Variants in DUSP8 observed in about 807,000 individuals in gnomAD.
DUSP8 encodes the protein dual specificity phosphatase 8.
DUSP8 carries 15 observed loss-of-function variants against 38.7 expected under a neutral mutation model. The ratio of observed to expected loss-of-function variants is 0.39; its 90% confidence interval spans 0.26 to 0.60. The LOEUF is 0.60. Among genes scored for constraint, DUSP8 ranks in the 20% least tolerant of loss-of-function variants. DUSP8 has a pLI of 0.56. For missense variants in DUSP8, 768 were observed against 915.0 expected (o/e 0.84, Z 2.07); for synonymous variants, 458 against 433.9 (o/e 1.06, Z -0.69).
rs1457285915 is a variant in DUSP8 at position 1,565,881 on chromosome 11, C to T, written c.-55G>A. On this transcript the variant is annotated 5_prime_UTR_variant, in exon 2 of 7. Coordinates refer to ENST00000397374, the MANE Select transcript of DUSP8 (RefSeq NM_004420.3). Reference sequence around the variant, plus strand: ...CCCCTGAAGTGAGGAGGGGCTGCTCCGACGGCCCAGGTGTGGCCTCGCGCT... The same window carrying T: ...CCCCTGAAGTGAGGAGGGGCTGCTCTGACGGCCCAGGTGTGGCCTCGCGCT... 26 of 1,486,066 alleles carry T rather than the reference C, an allele frequency of 1.7e-5. No homozygotes were observed. Among genetic ancestry groups the T allele is most frequent in the Middle Eastern group, 4.8e-4 (2 of 4,196 alleles). 92.1% of individuals were successfully genotyped at this position (1,486,066 alleles called of 1,614,324 possible). A position where few individuals can be genotyped will look rare whatever the true frequency, so the allele number is the denominator to read the frequency against.
At chr11:1,566,403 AG>A (rs1439163665) in intron 1 of DUSP8, among the ~76,000 whole-genome samples, 1 of 151,982 alleles carries the variant, frequency 6.6e-6, no homozygotes, top group African/African-American at 2.4e-5. Context: ...TCCCTAGCAC[AG>A]CCCCAGGGAG....
chr11:1,555,372 C>A lies in DUSP8; in HGVS notation c.*1146G>T. 1.0e-6 allele frequency: 1 copy of A among 987,544 alleles called. No individual in the cohort carries two copies. The highest frequency in any genetic ancestry group is 4.7e-5 in the South Asian group (1 of 21,366). The allele number at this position is 987,544 out of a possible 1,614,324, so 61.2% of individuals were successfully genotyped here. ...CCTAAGTGAAGCAGGCCTATCCCAG[C>A]AGCACAGGGGCTTGGCTGGCGCCTG... On this transcript the variant is annotated 3_prime_UTR_variant, in exon 7 of 7. Transcript: ENST00000397374.
Position 1,557,772 on chromosome 11 carries a change from G to A in DUSP8, c.821+22C>T. On this transcript the variant is annotated intron_variant, in intron 6 of 6. Transcript: ENST00000397374. The surrounding 1 kb of genome is among the most constrained non-coding windows in gnomAD (Gnocchi z 9.9). ...GGAAGCGACGCTGTGAGCCACAAGT[G>A]CGCGACTGGGGAAGGTGGTACCTGT... The A allele has an allele frequency of 1.2e-6, 2 of 1,612,136 alleles. No individual in the cohort carries two copies.
chr11:1,560,041 C>T lies in DUSP8; in HGVS notation c.371-986G>A, dbSNP rs572457508. Among the ~76,000 whole-genome samples the T allele has an allele frequency of 1.1e-4, 17 of 152,274 alleles. No individual in the cohort carries two copies. The East Asian group carries it at 3.3e-3, about 29-fold the overall frequency. ...GCCGTCCCTGACCTGGCTGGGGCGA[C>T]CACCGATGTGGACCAGAAACTGGGC... On this transcript the variant is annotated intron_variant, in intron 3 of 6. Coordinates refer to ENST00000397374, the MANE Select transcript of DUSP8 (RefSeq NM_004420.3).
intron 3 of DUSP8, among the ~76,000 whole-genome samples, chr11:1,561,641 T>C (rs1193145780): frequency 6.6e-6 from 1 of 152,234 alleles, no homozygotes; most frequent in Non-Finnish European, 1.5e-5. Flanking sequence ...CAGCCTGTCC[T>C]GCCACTGTTT....
chr11:1,564,014 G>A (rs1848763313), intron 2 of DUSP8, 25 bp from the exon 3 acceptor site: 2 of 1,430,624 alleles, frequency 1.4e-6, no homozygotes, highest in Middle Eastern at 1.8e-4. Flanking sequence ...GCAGAGATCA[G>A]CATGCCGCCT....
At position 1,556,773 on chromosome 11, in the gene DUSP8, G is replaced by A. The variant is rs1409840510; in HGVS notation, c.1623C>T (p.Pro541=). ...AQGAGGVLFA[P]FGRAGAPGPG... The stretch of plus-strand genomic sequence containing the variant: ...GTCCCGGGGCGCCCGCCCGGCCGAA[G>A]GGCGCAAACAGCACCCCGCCCGCCC... Residue 541 remains proline (P), a synonymous_variant, in exon 7 of 7, where the codon CCC becomes CCT. Coordinates refer to ENST00000397374, the MANE Select transcript of DUSP8 (RefSeq NM_004420.3). This position sits in a 1 kb window ranked among gnomAD's most constrained non-coding sequence, Gnocchi z 5.2. 3.4e-6 allele frequency: 4 copies of A among 1,191,800 alleles called. No individual in the cohort carries two copies. The highest frequency in any genetic ancestry group is 4.2e-6 in the Non-Finnish European group (4 of 962,558). The allele number at this position is 1,191,800 out of a possible 1,614,324, so 73.8% of individuals were successfully genotyped here. A position where few individuals can be genotyped will look rare whatever the true frequency, so the allele number is the denominator to read the frequency against.
intron 2 of DUSP8, among the ~76,000 whole-genome samples, chr11:1,564,409 G>A (rs1848769762): frequency 6.6e-6 from 1 of 152,222 alleles, no homozygotes; most frequent in Non-Finnish European, 1.5e-5. Flanking sequence ...GCCTTCGGGT[G>A]TGGGCTCTCA....
At chr11:1,571,231 T>G (rs1409847203) in intron 1 of DUSP8, 2 of 152,176 alleles carry the variant, frequency 1.3e-5, no homozygotes, top group Non-Finnish European at 2.9e-5. Flanking sequence ...CCTAGCGAGG[T>G]GGCTGCAGCA....
rs1232277007 is a variant in DUSP8, at chr11:1,572,244, G to GGCTCGGCCGCCGC, written c.-465_-453dup. 6.8e-6 allele frequency among the ~76,000 whole-genome samples: 1 copy of GGCTCGGCCGCCGC among 147,098 alleles called. No individual in the cohort carries two copies. Among genetic ancestry groups the GGCTCGGCCGCCGC allele is most frequent in the Non-Finnish European group, 1.5e-5 (1 of 66,148 alleles). ...CCGGCGGGGCGTCGTGGGGGGAGCC[G>GGCTCGGCCGCCGC]GCTCGGCCGCCGCGCTCGGCCGCGA... On this transcript the variant is annotated 5_prime_UTR_variant, in exon 1 of 7. Transcript: ENST00000397374. This position sits in a 1 kb window ranked among gnomAD's most constrained non-coding sequence, Gnocchi z 4.7.
In DUSP8 at chr11:1,565,923, A is replaced by T; in HGVS notation, c.-97T>A. On this transcript the variant is annotated 5_prime_UTR_variant, in exon 2 of 7. An upstream start codon of the reference 5' UTR is lost. Transcript: ENST00000397374. The stretch of plus-strand genomic sequence containing the variant: ...CCTCGCGCTGGGAGTGACCTAGCAC[A>T]TGGTGCTGGACCTGCAGGGACAGGG... The T allele has an allele frequency of 1.9e-6, 2 of 1,037,304 alleles. No homozygotes were observed. Among genetic ancestry groups the T allele is most frequent in the South Asian group, 2.8e-5 (2 of 71,002 alleles). 64.3% of individuals were successfully genotyped at this position (1,037,304 alleles called of 1,614,324 possible). A position where few individuals can be genotyped will look rare whatever the true frequency, so the allele number is the denominator to read the frequency against.
Position 1,556,076 on chromosome 11 carries a change from AGGGGAGGTGGGTGG to A in DUSP8, c.*428_*441del, listed in dbSNP as rs2133425681. 7.1e-6 allele frequency: 1 copy of A among 141,196 alleles called. No homozygotes were observed. The highest frequency in any genetic ancestry group is 2.5e-5 in the African/African-American group (1 of 39,714). 8.7% of individuals were successfully genotyped at this position (141,196 alleles called of 1,614,324 possible). ...GGCCGGCGCAGAGAAGGGAGGGAGC[AGGGGAGGTGGGTGG>A]GGGGAGAAGGGGGGTTCTGCGGCTC... is the stretch of plus-strand genomic sequence containing the variant. On this transcript the variant is annotated 3_prime_UTR_variant, in exon 7 of 7. Transcript: ENST00000397374. This position sits in a 1 kb window ranked among gnomAD's most constrained non-coding sequence, Gnocchi z 5.2.
chr11:1,555,516 C>A lies in DUSP8; in HGVS notation c.*1002G>T. On this transcript the variant is annotated 3_prime_UTR_variant, in exon 7 of 7. Coordinates refer to ENST00000397374, the MANE Select transcript of DUSP8 (RefSeq NM_004420.3). ...GGGGCGGGGCAGACCTGGAACAGAA[C>A]CCTAAGACCACCCCCTCCTCATACC... 1.0e-6 allele frequency: 1 copy of A among 967,480 alleles called. No individual in the cohort carries two copies. Among genetic ancestry groups the A allele is most frequent in the African/African-American group, 1.8e-5 (1 of 57,022 alleles). The allele number at this position is 967,480 out of a possible 1,614,324, so 59.9% of individuals were successfully genotyped here. A position where few individuals can be genotyped will look rare whatever the true frequency, so the allele number is the denominator to read the frequency against.
chr11:1,565,885 G>A lies in DUSP8; in HGVS notation c.-59C>T, dbSNP rs1564936460. The A allele has an allele frequency of 2.9e-5, 42 of 1,453,962 alleles. No individual in the cohort carries two copies. Among genetic ancestry groups the A allele is most frequent in the South Asian group, 2.5e-4 (22 of 86,324 alleles). The allele number at this position is 1,453,962 out of a possible 1,614,324, so 90.1% of individuals were successfully genotyped here. ...TGAAGTGAGGAGGGGCTGCTCCGAC[G>A]GCCCAGGTGTGGCCTCGCGCTGGGA... On this transcript the variant is annotated 5_prime_UTR_variant, in exon 2 of 7. Coordinates refer to ENST00000397374, the MANE Select transcript of DUSP8 (RefSeq NM_004420.3).
chr11:1,558,381 G>T lies in DUSP8; in HGVS notation c.538-110C>A. The T allele has an allele frequency of 1.0e-6, 1 of 998,666 alleles. No individual in the cohort carries two copies. Among genetic ancestry groups the T allele is most frequent in the Non-Finnish European group, 1.5e-6 (1 of 681,892 alleles). The allele number at this position is 998,666 out of a possible 1,614,324, so 61.9% of individuals were successfully genotyped here. A position where few individuals can be genotyped will look rare whatever the true frequency, so the allele number is the denominator to read the frequency against. On this transcript the variant is annotated intron_variant, in intron 4 of 6. Transcript: ENST00000397374. The surrounding 1 kb of genome is among the most constrained non-coding windows in gnomAD (Gnocchi z 6.3). ...CAGGAGGGCCTTTAGAATCCTGGGA[G>T]CCTTGGAATTTGTCCCAGATCCCAG...
Position 1,554,465 on chromosome 11 carries a change from G to T in DUSP8, c.*2053C>A. 1 of 175,556 alleles carries T rather than the reference G, an allele frequency of 5.7e-6. No individual in the cohort carries two copies. Among genetic ancestry groups the T allele is most frequent in the Non-Finnish European group, 1.1e-5 (1 of 87,428 alleles). The allele number at this position is 175,556 out of a possible 1,614,324, so 10.9% of individuals were successfully genotyped here. A position where few individuals can be genotyped will look rare whatever the true frequency, so the allele number is the denominator to read the frequency against. On this transcript the variant is annotated 3_prime_UTR_variant, in exon 7 of 7. Coordinates refer to ENST00000397374, the MANE Select transcript of DUSP8 (RefSeq NM_004420.3). ...GGGCTGGGTCAGGTGAAAGCCACCA[G>T]GTGGGGCCTCAGCCCGCCTCCTGCA...
chr11:1,557,207 C>A lies in DUSP8; in HGVS notation c.1189G>T (p.Asp397Tyr). 6.7e-7 allele frequency: 1 copy of A among 1,494,496 alleles called. No individual in the cohort carries two copies. Among genetic ancestry groups the A allele is most frequent in the Non-Finnish European group, 8.9e-7 (1 of 1,124,582 alleles). 92.6% of individuals were successfully genotyped at this position (1,494,496 alleles called of 1,614,324 possible). The part of the protein sequence containing the change: ...TNRLKRSFSL[D>Y]IKSAYAPSRR... ...CTAGGGGCGTAGGCAGACTTGATGT[C>A]CAGGGAGAAGGAGCGCTTGAGGCGG... Residue 397 changes from aspartate to tyrosine, a missense_variant, in exon 7 of 7, where the codon GAC becomes TAC. Coordinates refer to ENST00000397374, the MANE Select transcript of DUSP8 (RefSeq NM_004420.3). The surrounding 1 kb of genome is among the most constrained non-coding windows in gnomAD (Gnocchi z 9.9).
rs763399889 is a variant in DUSP8 at position 1,565,787 on chromosome 11, T to C, written c.40A>G (p.Lys14Glu). 2 of 1,610,306 alleles carry C rather than the reference T, an allele frequency of 1.2e-6. No homozygotes were observed. Among genetic ancestry groups the C allele is most frequent in the Non-Finnish European group, 8.5e-7 (1 of 1,178,812 alleles). ...CCCCGCAGCAGGCTGGCCAGCTTCT[T>C]GGCATCCATCACCTTCCTCGGGAGC... The part of the protein sequence containing the change: ...DRLPRKVMDA[K>E]KLASLLRGGP... Residue 14 changes from lysine to glutamate, a missense_variant, in exon 2 of 7, where the codon AAG becomes GAG. Physicochemically the swap from Lys to Glu is moderately conservative, Grantham distance 56 (BLOSUM62 1). Transcript: ENST00000397374.
In DUSP8 at chr11:1,557,330, C is replaced by T. The variant is rs1339768156; in HGVS notation, c.1066G>A (p.Gly356Arg). 18 of 1,513,626 alleles carry T rather than the reference C, an allele frequency of 1.2e-5. No individual in the cohort carries two copies. Among genetic ancestry groups the T allele is most frequent in the Middle Eastern group, 2.4e-4 (1 of 4,228 alleles). The allele number at this position is 1,513,626 out of a possible 1,614,324, so 93.8% of individuals were successfully genotyped here. A position where few individuals can be genotyped will look rare whatever the true frequency, so the allele number is the denominator to read the frequency against. Residue 356 changes from glycine to arginine, a missense_variant, in exon 7 of 7, where the codon GGG becomes AGG. Coordinates refer to ENST00000397374, the MANE Select transcript of DUSP8 (RefSeq NM_004420.3). The surrounding 1 kb of genome is among the most constrained non-coding windows in gnomAD (Gnocchi z 9.9). ...AAREGGLSAG[G>R]EPPAPPTPPA... Reference sequence around the variant, plus strand: ...GGCGTGGGGGGCGCGGGGGGCTCCCCGCCCGCGCTCAGGCCGCCCTCCCTG... The same window carrying T: ...GGCGTGGGGGGCGCGGGGGGCTCCCTGCCCGCGCTCAGGCCGCCCTCCCTG...
Sources: allele counts gnomAD v4.1 joint callset (sites outside exome capture counted in the v4.1 genomes callset), GRCh38; gene constraint gnomAD v4.1.1; non-coding constraint Gnocchi (gnomAD v3.1); transcripts MANE v1.5; gene names NCBI Gene and HGNC (gene_info 2026-07-23, HGNC 2026-07-21).